Variants in GRIP2 observed in about 807,000 individuals in gnomAD.
GRIP2 encodes the protein glutamate receptor-interacting protein 2.
In GRIP2, 58 loss-of-function variants were observed where a neutral mutation model predicts 108.3. The observed-to-expected ratio is 0.54, with a 90% CI of 0.43 to 0.67. The LOEUF is 0.67. GRIP2 is among the 30% of genes least tolerant of loss of function. The probability of loss-of-function intolerance (pLI) is 0.00; values close to 1 mark genes in which losing one functional copy is unlikely to be tolerated. For missense variants in GRIP2, 1,278 were observed against 1,430.6 expected, an observed-to-expected ratio of 0.89 and a Z score of 1.72; for synonymous variants, 586 against 598.2, an observed-to-expected ratio of 0.98 and a Z score of 0.30.
intron 1 of GRIP2, chr3:14,530,899 T>C (rs1296116711): frequency 6.6e-6 from 1 of 152,254 alleles, no homozygotes; most frequent in Non-Finnish European, 1.5e-5. Context: ...TTTTTAAATG[T>C]ACAATTACAT....
At chr3:14,541,019 T>C (rs1434670199), upstream of GRIP2, among the ~76,000 whole-genome samples, 2 of 152,346 alleles carry the variant, frequency 1.3e-5, no homozygotes, top group South Asian at 2.1e-4. Context: ...CTGGGCTTGA[T>C]AGGCAGGGCC....
intron 13 of GRIP2, among the ~76,000 whole-genome samples, 185 bp downstream of exon 13, chr3:14,513,480 G>C (rs1232707340): frequency 6.6e-6 from 1 of 152,164 alleles, no homozygotes. Flanking sequence ...AAAGTCTCCT[G>C]GTGTGGAAAC....
the GRIP2 span, among the ~76,000 whole-genome samples, chr3:14,585,801 T>G: frequency 8.5e-5 from 13 of 152,266 alleles, no homozygotes; most frequent in South Asian, 2.1e-3. Context: ...GTACCATTTT[T>G]ATTCCATTTT....
the GRIP2 span, among the ~76,000 whole-genome samples, chr3:14,599,096 C>T: frequency 6.6e-6 from 1 of 152,188 alleles, no homozygotes; most frequent in Admixed American, 6.5e-5. Flanking sequence ...TTCTTTGTCT[C>T]CCCCTCTAGA....
chr3:14,561,743 C>G, the GRIP2 span, among the ~76,000 whole-genome samples: 1 of 152,218 alleles, frequency 6.6e-6, no homozygotes, highest in Non-Finnish European at 1.5e-5. Flanking sequence ...CCCCACGGGC[C>G]AAGTGGTGAC....
intron 1 of GRIP2, among the ~76,000 whole-genome samples, chr3:14,553,409 C>A (rs761349872): frequency 6.6e-6 from 1 of 152,128 alleles, no homozygotes; most frequent in Non-Finnish European, 1.5e-5. Flanking sequence ...CCGTGCCTGG[C>A]CACCTCCAGG....
chr3:14,494,313 A>G (rs761852170), intron 23 of GRIP2, among the ~76,000 whole-genome samples: 1 of 152,264 alleles, frequency 6.6e-6, no homozygotes, highest in African/African-American at 2.4e-5. Context: ...TAAATTTCAT[A>G]TAAATATGGC....
chr3:14,517,433 G>A (rs532674276), intron 10 of GRIP2, among the ~76,000 whole-genome samples: 9 of 148,966 alleles, frequency 6.0e-5, no homozygotes, highest in South Asian at 4.3e-4. Flanking sequence ...TATTAGGGAC[G>A]GGGCCAATCT....
the GRIP2 span, among the ~76,000 whole-genome samples, chr3:14,592,958 G>A: frequency 1.3e-5 from 2 of 152,076 alleles, no homozygotes; most frequent in African/African-American, 4.8e-5. Context: ...CCAGAACAAG[G>A]ACACGGAGCC....
Position 14,524,433 on chromosome 3 carries a change from C to A in GRIP2, c.363G>T (p.Glu121Asp). The change falls in exon 4 of 24, where the codon GAG becomes GAT. Residue 121 changes from glutamate (E) to aspartate (D), a missense_variant. By Grantham distance (45) the Glu-to-Asp change is conservative (BLOSUM62 2). Coordinates refer to ENST00000621039, the MANE Select transcript of GRIP2 (RefSeq NM_001080423.4). ...EIITLLKNVG[E>D]RVVLEVEYEL... ...CATACTCCACCTCCAGCACCACGCGCTCGCCCACATTCTTGAGCAGGGTGA... is the reference window on the plus strand; with the variant it reads ...CATACTCCACCTCCAGCACCACGCGATCGCCCACATTCTTGAGCAGGGTGA... 6.2e-7 allele frequency: 1 copy of A among 1,607,844 alleles called. No homozygotes were observed.
chr3:14,545,797 C>T (rs563153784), upstream of GRIP2, among the ~76,000 whole-genome samples: 1 of 152,354 alleles, frequency 6.6e-6, no homozygotes, highest in East Asian at 1.9e-4. Context: ...CCTGCCCTGT[C>T]TCTCTGGTTA....
chr3:14,510,081 C>A (rs1026598746), intron 16 of GRIP2, 117 bp from the exon 17 acceptor site: 2 of 981,370 alleles, frequency 2.0e-6, no homozygotes, highest in East Asian at 3.2e-5. Flanking sequence ...CAGTCACTCA[C>A]GCTCTGATTT....
intron 4 of GRIP2, 188 bp downstream of exon 4, chr3:14,524,205 C>T (rs945581723): frequency 3.2e-6 from 2 of 624,918 alleles, no homozygotes; most frequent in African/African-American, 3.7e-5. Context: ...AGTCCCACCA[C>T]CTCCTGGTGA....
the GRIP2 span, among the ~76,000 whole-genome samples, chr3:14,576,717 A>T: frequency 6.6e-6 from 1 of 152,168 alleles, no homozygotes; most frequent in Non-Finnish European, 1.5e-5. Context: ...TTTGCTGAGC[A>T]CCTCGCGGGC....
intron 22 of GRIP2, among the ~76,000 whole-genome samples, chr3:14,495,351 AG>A (rs1300314774): frequency 6.6e-6 from 1 of 152,096 alleles, no homozygotes; most frequent in Non-Finnish European, 1.5e-5. Flanking sequence ...AGAGCTTCTG[AG>A]GGCCATTGGC....
At chr3:14,493,956 A>G in intron 23 of GRIP2, 130 bp from the exon 24 acceptor site, 1 of 823,536 alleles carries the variant, frequency 1.2e-6, no homozygotes, top group Admixed American at 3.1e-5. Flanking sequence ...CATCACCAGC[A>G]CCACACACAG....
chr3:14,528,139 T>G (rs1338408922), intron 1 of GRIP2, among the ~76,000 whole-genome samples: 1 of 152,228 alleles, frequency 6.6e-6, no homozygotes, highest in African/African-American at 2.4e-5. Flanking sequence ...CTCCAGAATG[T>G]CATGTAAGTA....
At position 14,540,238 on chromosome 3, in the gene GRIP2, T is replaced by C; in HGVS notation, c.40+31A>G. 1 of 1,611,076 alleles carries C rather than the reference T, an allele frequency of 6.2e-7. No homozygotes were observed. The highest frequency in any genetic ancestry group is 8.5e-7 in the Non-Finnish European group (1 of 1,178,478). On this transcript the variant is annotated intron_variant, in intron 1 of 23. Transcript: ENST00000621039. The surrounding 1 kb of genome is among the most constrained non-coding windows in gnomAD (Gnocchi z 4.1). ...AGAGGGATCTATGTGTTCAGCCCCA[T>C]CACTCTGCCCACAGACCCCCCATTA...
In GRIP2 at chr3:14,524,528, G is replaced by A. The variant is rs750691073; in HGVS notation, c.268C>T (p.Leu90=). The A allele has an allele frequency of 6.4e-7, 1 of 1,552,956 alleles. No individual in the cohort carries two copies. The highest frequency in any genetic ancestry group is 8.7e-7 in the Non-Finnish European group (1 of 1,147,698). The part of the protein sequence containing the change: ...PGGLAARSDL[L]NIGDYIRSVN... Reference sequence around the variant, plus strand: ...GACCGAATATAGTCACCAATGTTCAGCAGATCACTCCTAGAGCAGGAAGGC... The same window carrying A: ...GACCGAATATAGTCACCAATGTTCAACAGATCACTCCTAGAGCAGGAAGGC... Residue 90 remains leucine (L), a synonymous_variant, in exon 4 of 24, where the codon CTG becomes TTG. Coordinates refer to ENST00000621039, the MANE Select transcript of GRIP2 (RefSeq NM_001080423.4).
Sources: gnomAD v4.1 joint callset for allele counts (sites outside exome capture counted in the v4.1 genomes callset) on GRCh38, gnomAD v4.1.1 for gene constraint, Gnocchi (gnomAD v3.1) non-coding constraint, MANE v1.5 for transcripts, NCBI Gene and HGNC (gene_info 2026-07-23, HGNC 2026-07-21) for gene names.